The following TMBIM4 variants were observed in gnomAD, a reference collection of about 807,000 sequenced individuals.
TMBIM4 encodes protein lifeguard 4.
A neutral mutation model predicts 27.7 loss-of-function variants in TMBIM4; 28 were observed. The ratio of observed to expected loss-of-function variants is 1.01; its 90% CI spans 0.75 to 1.38. The LOEUF (loss-of-function observed/expected upper bound fraction) is 1.38, where lower values mean the gene tolerates loss of function less well. Among genes scored for constraint, TMBIM4 ranks in the 40% most tolerant of loss-of-function variants. The pLI, the probability that TMBIM4 is intolerant of heterozygous loss-of-function variation, is 0.00. For synonymous variants in TMBIM4, 115 were observed against 113.1 expected (o/e 1.02, Z -0.11); for missense variants, 265 against 277.5 (o/e 0.95, Z 0.32).
At chr12:66,169,167 G>C (rs1229270263) in intron 1 of TMBIM4, 1 of 653,916 alleles carries the variant, frequency 1.5e-6, no homozygotes, top group African/African-American at 1.8e-5. Flanking sequence ...GGCTGTTTCG[G>C]CGATCAAATG....
chr12:66,141,081 A>G (rs1359454296), intron 5 of TMBIM4, among the ~76,000 whole-genome samples: 2 of 152,124 alleles, frequency 1.3e-5, no homozygotes, highest in African/African-American at 2.4e-5. Context: ...TTCAGACACA[A>G]AAGATGACCA....
chr12:66,159,670 T>C (rs2052002630), intron 1 of TMBIM4, among the ~76,000 whole-genome samples: 1 of 152,228 alleles, frequency 6.6e-6, no homozygotes, highest in Non-Finnish European at 1.5e-5. Context: ...CCACCCGCCA[T>C]CTCCCTTAAG....
At chr12:66,166,807 G>T (rs1324017582) in intron 1 of TMBIM4, among the ~76,000 whole-genome samples, 1 of 152,182 alleles carries the variant, frequency 6.6e-6, no homozygotes, top group Non-Finnish European at 1.5e-5. Context: ...TTACCCAAAT[G>T]AGTTGAAAAC....
intron 5 of TMBIM4, among the ~76,000 whole-genome samples, chr12:66,143,218 A>G (rs2051696216): frequency 6.6e-6 from 1 of 152,198 alleles, no homozygotes; most frequent in Non-Finnish European, 1.5e-5. Context: ...ATCTCATTAA[A>G]TATTTAAGCA....
intron 5 of TMBIM4, among the ~76,000 whole-genome samples, chr12:66,141,213 A>C (rs2051662982): frequency 6.6e-6 from 1 of 152,136 alleles, no homozygotes; most frequent in South Asian, 2.1e-4. Context: ...ACATAAAAGG[A>C]CTTCTATTTT....
chr12:66,139,249 T>C (rs1336533993), intron 5 of TMBIM4, among the ~76,000 whole-genome samples: 1 of 152,228 alleles, frequency 6.6e-6, no homozygotes, highest in Non-Finnish European at 1.5e-5. Flanking sequence ...CATCTGACAC[T>C]GCTATAATTT....
intron 1 of TMBIM4, among the ~76,000 whole-genome samples, chr12:66,164,677 G>C (rs189499853): frequency 6.6e-6 from 1 of 152,308 alleles, no homozygotes; most frequent in East Asian, 1.9e-4. Context: ...CTAAGATCAG[G>C]AATAAGACAA....
intron 1 of TMBIM4, among the ~76,000 whole-genome samples, chr12:66,165,863 C>A (rs2052117917): frequency 6.6e-6 from 1 of 151,998 alleles, no homozygotes; most frequent in Admixed American, 6.6e-5. Context: ...ATATTTTCAC[C>A]CATTTTATGG....
chr12:66,145,786 A>T, intron 5 of TMBIM4, 55 bp downstream of exon 5: 1 of 1,036,800 alleles, frequency 9.6e-7, no homozygotes, highest in African/African-American at 1.6e-5. Context: ...CCTCAAAACC[A>T]CCTATAATAA....
At chr12:66,160,575 CTAGT>C (rs1232251864) in intron 1 of TMBIM4, among the ~76,000 whole-genome samples, 2 of 152,102 alleles carry the variant, frequency 1.3e-5, no homozygotes, top group African/African-American at 4.8e-5. Flanking sequence ...TTACAATAGA[CTAGT>C]TATATATACT....
intron 1 of TMBIM4, among the ~76,000 whole-genome samples, chr12:66,156,673 A>C (rs1215668667): frequency 1.3e-5 from 2 of 152,198 alleles, no homozygotes; most frequent in Admixed American, 6.5e-5. Context: ...TAGGACCTAC[A>C]AGGTCCCACA....
At chr12:66,146,109 T>C in intron 4 of TMBIM4, 151 bp from the exon 5 acceptor site, 2 of 528,256 alleles carry the variant, frequency 3.8e-6, no homozygotes, top group Non-Finnish European at 3.4e-6. Context: ...CTTGACTACA[T>C]GGGTACAGTG....
chr12:66,146,892 T>C (rs1320369471), intron 4 of TMBIM4, among the ~76,000 whole-genome samples: 6 of 152,134 alleles, frequency 3.9e-5, no homozygotes, highest in Non-Finnish European at 7.4e-5. Context: ...TACGATTAGG[T>C]TGAAAAGATA....
chr12:66,166,697 A>C (rs2052136639), intron 1 of TMBIM4, among the ~76,000 whole-genome samples: 1 of 152,222 alleles, frequency 6.6e-6, no homozygotes, highest in African/African-American at 2.4e-5. Flanking sequence ...TGCTGGTGGA[A>C]GTGCAAAATA....
At chr12:66,159,250 G>A (rs911864680) in intron 1 of TMBIM4, among the ~76,000 whole-genome samples, 6 of 152,212 alleles carry the variant, frequency 3.9e-5, no homozygotes, top group Non-Finnish European at 8.8e-5. Context: ...AAAAGGCACT[G>A]AGGCTTCTTC....
chr12:66,160,654 A>AT (rs562329849), intron 1 of TMBIM4, among the ~76,000 whole-genome samples: 2 of 152,148 alleles, frequency 1.3e-5, no homozygotes, highest in African/African-American at 4.8e-5. Flanking sequence ...TTCTCACATA[A>AT]TTTTTTTTAA....
In TMBIM4 at chr12:66,149,198, T is replaced by C. The variant is rs181818121; in HGVS notation, c.313-1257A>G. Among the ~76,000 whole-genome samples, 160 of 152,194 alleles carry C rather than the reference T, an allele frequency of 1.1e-3. 1 individual carries two copies. The highest frequency in any genetic ancestry group is 3.8e-3 in the African/African-American group (156 of 41,532). On this transcript the variant is annotated intron_variant, in intron 3 of 6. Coordinates refer to ENST00000358230, the MANE Select transcript of TMBIM4 (RefSeq NM_016056.4). ...GCTCAGACGTGTAATCCCAGTACTC[T>C]GGGAGGCCGAGGCAGGTGGATTGCT... is the stretch of plus-strand genomic sequence containing the variant.
At chr12:66,154,555 T>C (rs2051901641) in intron 1 of TMBIM4, among the ~76,000 whole-genome samples, 1 of 152,194 alleles carries the variant, frequency 6.6e-6, no homozygotes, top group African/African-American at 2.4e-5. Flanking sequence ...ATGGAGCCAC[T>C]GCTTAGAGGA....
In TMBIM4 at chr12:66,145,858, G is replaced by A. The variant is rs2051742461; in HGVS notation, c.447C>T (p.Phe149=). Residue 149 remains phenylalanine, a synonymous_variant, in exon 5 of 7, where the codon TTC becomes TTT. Transcript: ENST00000358230. ...CAACTTACCCTGCTCCAAATTTGCT[G>A]AAATCCTTCTTAGATTGTAGAGTAT... ...TVYTLQSKKD[F]SKFGAGLFAL... The A allele has an allele frequency of 3.1e-6, 5 of 1,594,892 alleles. No homozygotes were observed. The highest frequency in any genetic ancestry group is 4.3e-6 in the Non-Finnish European group (5 of 1,166,728).
Sources: gnomAD v4.1 joint callset for allele counts (sites outside exome capture counted in the v4.1 genomes callset) on GRCh38, gnomAD v4.1.1 for gene constraint, MANE v1.5 for transcripts, NCBI Gene and HGNC (gene_info 2026-07-23, HGNC 2026-07-21) for gene names.